The following SLC35A3 variants were observed in gnomAD, a reference collection of about 807,000 sequenced individuals.
SLC35A3 encodes the protein UDP-N-acetylglucosamine transporter.
SLC35A3 carries 26 observed loss-of-function variants against 39.0 expected under a neutral mutation model. The observed-to-expected ratio is 0.67, with a 90% confidence interval of 0.49 to 0.92. SLC35A3 has a LOEUF of 0.92. Among genes scored for constraint, SLC35A3 ranks in the 40% least tolerant of loss-of-function variants. The pLI is 0.00. For missense variants in SLC35A3, 299 were observed against 371.6 expected (o/e 0.80, Z 1.61); for synonymous variants, 135 against 133.1 (o/e 1.01, Z -0.10).
intron 1 of SLC35A3, among the ~76,000 whole-genome samples, chr1:99,984,979 A>G (rs1216934318): frequency 1.3e-5 from 2 of 151,706 alleles, no homozygotes; most frequent in Non-Finnish European, 1.5e-5. Context: ...TAGATTCTGG[A>G]TATTAGTTGT....
At chr1:99,977,893 T>C (rs187080364) in intron 1 of SLC35A3, among the ~76,000 whole-genome samples, 19 of 152,294 alleles carry the variant, frequency 1.2e-4, no homozygotes, top group Admixed American at 3.3e-4. Context: ...TGCTAGAACC[T>C]TGTAATGTTA....
chr1:100,013,598 A>G (rs976634582), intron 5 of SLC35A3, among the ~76,000 whole-genome samples: 4 of 151,928 alleles, frequency 2.6e-5, no homozygotes, highest in African/African-American at 9.7e-5. Flanking sequence ...GCTAAGTGAC[A>G]GAGTGAAATC....
At chr1:99,977,964 C>T (rs560532485) in intron 1 of SLC35A3, among the ~76,000 whole-genome samples, 14 of 152,142 alleles carry the variant, frequency 9.2e-5, no homozygotes, top group Non-Finnish European at 1.5e-4. Flanking sequence ...CATATAGATA[C>T]GTTTCAGTTG....
At chr1:99,976,250 CTG>C (rs1657100174) in intron 1 of SLC35A3, among the ~76,000 whole-genome samples, 1 of 152,074 alleles carries the variant, frequency 6.6e-6, no homozygotes, top group South Asian at 2.1e-4. Context: ...TTTATATTCT[CTG>C]TAGCTTAAGC....
intron 1 of SLC35A3, among the ~76,000 whole-genome samples, chr1:99,980,185 T>A (rs1366587968): frequency 7.9e-6 from 1 of 126,450 alleles, no homozygotes. Flanking sequence ...ATCCCCAATC[T>A]TCTTAGTTTT....
At chr1:99,990,560 G>C (rs1658022190) in intron 1 of SLC35A3, among the ~76,000 whole-genome samples, 1 of 152,284 alleles carries the variant, frequency 6.6e-6, no homozygotes, top group East Asian at 1.9e-4. Context: ...GTGACAGCGA[G>C]ACTCCGTCTC....
At chr1:100,013,709 T>A (rs1659844859) in intron 5 of SLC35A3, among the ~76,000 whole-genome samples, 1 of 151,932 alleles carries the variant, frequency 6.6e-6, no homozygotes. Context: ...CATACCTATT[T>A]TATATATATG....
chr1:100,004,221 A>G (rs113373564), intron 3 of SLC35A3, among the ~76,000 whole-genome samples: 10 of 152,212 alleles, frequency 6.6e-5, no homozygotes, highest in African/African-American at 1.7e-4. Flanking sequence ...TTATTTGTGT[A>G]TCTGGTTTTC....
intron 3 of SLC35A3, among the ~76,000 whole-genome samples, chr1:100,001,423 CT>C (rs952213761): frequency 2.0e-5 from 3 of 152,070 alleles, no homozygotes; most frequent in Admixed American, 6.5e-5. Flanking sequence ...CTTTTACTTC[CT>C]TGGTTAAATT....
chr1:100,005,095 A>G (rs1365931316), intron 3 of SLC35A3, among the ~76,000 whole-genome samples: 1 of 152,092 alleles, frequency 6.6e-6, no homozygotes, highest in African/African-American at 2.4e-5. Flanking sequence ...TGCGTATGGT[A>G]TTTTTATCTG....
At position 100,030,823 on chromosome 1, in the gene SLC35A3, C is replaced by CT. The variant is rs1661174749; in HGVS notation, c.*8353dup. ...CATTTTAAAATGATGATGCTAAGTG[C>CT]TTTTTTAATATATGCATGCTGCTTC... On this transcript the variant is annotated 3_prime_UTR_variant, in exon 8 of 8. Coordinates refer to ENST00000533028, the MANE Select transcript of SLC35A3 (RefSeq NM_012243.3). 6.6e-6 allele frequency: 1 copy of CT among 152,120 alleles called. No individual in the cohort carries two copies. Among genetic ancestry groups the CT allele is most frequent in the African/African-American group, 2.4e-5 (1 of 41,494 alleles). 9.4% of individuals were successfully genotyped at this position (152,120 alleles called of 1,614,324 possible). A position where few individuals can be genotyped will look rare whatever the true frequency, so the allele number is the denominator to read the frequency against.
At chr1:99,997,804 C>T (rs564984499) in intron 2 of SLC35A3, among the ~76,000 whole-genome samples, 239 of 151,354 alleles carry the variant, frequency 1.6e-3, no homozygotes, top group Admixed American at 3.2e-3. Flanking sequence ...TTTGATAATC[C>T]AGCTGAACCT....
intron 1 of SLC35A3, among the ~76,000 whole-genome samples, chr1:99,989,870 A>G (rs1396349014): frequency 6.6e-6 from 1 of 152,038 alleles, no homozygotes; most frequent in Non-Finnish European, 1.5e-5. Flanking sequence ...GGCTCAATTG[A>G]TCCTCCTGCC....
In SLC35A3 at chr1:99,970,102, G is replaced by GCCCGGCGGAGCTGAACCGCGGCC. The variant is rs1656710479; in HGVS notation, c.-73_-51dup. The GCCCGGCGGAGCTGAACCGCGGCC allele has an allele frequency of 6.5e-6, 1 of 154,450 alleles. No individual in the cohort carries two copies. The highest frequency in any genetic ancestry group is 2.0e-4 in the South Asian group (1 of 5,036). 9.6% of individuals were successfully genotyped at this position (154,450 alleles called of 1,614,324 possible). On this transcript the variant is annotated 5_prime_UTR_variant, in exon 1 of 8. Transcript: ENST00000533028. ...CCCAGCGGACTCGGCAGCCTGGGGCGCCCGGCGGAGCTGAACCGCGGCCCC... is the reference window on the plus strand; with the variant it reads ...CCCAGCGGACTCGGCAGCCTGGGGCGCCCGGCGGAGCTGAACCGCGGCCCCCGGCGGAGCTGAACCGCGGCCCC...
At chr1:99,993,463 C>T in intron 1 of SLC35A3, 74 bp from the exon 2 acceptor site, 1 of 1,257,056 alleles carries the variant, frequency 8.0e-7, no homozygotes, top group African/African-American at 1.5e-5. Flanking sequence ...CCTTCTCCCT[C>T]TCGGTGTTTT....
In SLC35A3 at chr1:100,023,547, T is replaced by C. The variant is rs199672584; in HGVS notation, c.*1071T>C. 6.6e-6 allele frequency: 1 copy of C among 152,236 alleles called. No homozygotes were observed. Among genetic ancestry groups the C allele is most frequent in the Non-Finnish European group, 1.5e-5 (1 of 68,054 alleles). The allele number at this position is 152,236 out of a possible 1,614,324, so 9.4% of individuals were successfully genotyped here. A position where few individuals can be genotyped will look rare whatever the true frequency, so the allele number is the denominator to read the frequency against. On this transcript the variant is annotated 3_prime_UTR_variant, in exon 8 of 8. Transcript: ENST00000533028. ...CAGTGACAGAACAAAATGACTTTTC[T>C]TGGAGACATTCCAGATTGCCATATT...
At position 100,007,100 on chromosome 1, in the gene SLC35A3, G is replaced by A. The variant is rs764989689; in HGVS notation, c.409G>A (p.Gly137Ser). 1.8e-5 allele frequency: 29 copies of A among 1,612,348 alleles called. No individual in the cohort carries two copies. In the Admixed American group the frequency reaches 4.7e-4, roughly 26 times the overall value. The change falls in exon 4 of 8, where the codon GGT becomes AGT. Residue 137 changes from glycine (G) to serine (S), a missense_variant. By Grantham distance (56) the Gly-to-Ser change is moderately conservative (BLOSUM62 0). Transcript: ENST00000533028. ...TGTGTCTATGCTTAGTAAAAAATTG[G>A]GTGTATACCAGTGGCTGTCCCTAGT... is the stretch of plus-strand genomic sequence containing the variant. ...FSVSMLSKKL[G>S]VYQWLSLVIL...
At chr1:99,986,528 A>C (rs546037461) in intron 1 of SLC35A3, among the ~76,000 whole-genome samples, 1 of 152,262 alleles carries the variant, frequency 6.6e-6, no homozygotes, top group African/African-American at 2.4e-5. Flanking sequence ...GATGTTTGGA[A>C]ATGGAAATGC....
At chr1:99,971,393 G>A (rs1453096062) in intron 1 of SLC35A3, among the ~76,000 whole-genome samples, 2 of 151,266 alleles carry the variant, frequency 1.3e-5, no homozygotes, top group Admixed American at 6.6e-5. Flanking sequence ...TGCAAGCTCC[G>A]CCTCCCGGGT....
Sources: gnomAD v4.1 joint callset for allele counts (sites outside exome capture counted in the v4.1 genomes callset) on GRCh38, gnomAD v4.1.1 for gene constraint, MANE v1.5 for transcripts, NCBI Gene and HGNC (gene_info 2026-07-23, HGNC 2026-07-21) for gene names.